Variants in NCOA7 observed in about 807,000 individuals in gnomAD.
NCOA7 encodes the protein 140 kDa estrogen receptor-associated protein.
Under a neutral mutation model 104.3 loss-of-function variants are expected in NCOA7, and 45 were observed. That is an observed-to-expected ratio of 0.43 (90% CI 0.34 to 0.55). The LOEUF (loss-of-function observed/expected upper bound fraction) is 0.55, where lower values mean the gene tolerates loss of function less well. Ranked by LOEUF, NCOA7 falls within the 20% of genes least tolerant of loss-of-function variation. The pLI is 0.02. For synonymous variants in NCOA7, 398 were observed against 402.3 expected, an observed-to-expected ratio of 0.99 and a Z score of 0.13; for missense variants, 1,041 against 1,119.7, an observed-to-expected ratio of 0.93 and a Z score of 1.00.
chr6:125,823,239 A>C (rs1778363480), intron 2 of NCOA7, among the ~76,000 whole-genome samples: 1 of 152,204 alleles, frequency 6.6e-6, no homozygotes, highest in Non-Finnish European at 1.5e-5. Flanking sequence ...CAAGGGGCCT[A>C]TTCAATAGTG....
rs747012922 is a variant in NCOA7, at chr6:125,909,001, A to T, written c.2097-6332A>T. Among the ~76,000 whole-genome samples the T allele has an allele frequency of 6.5e-4, 99 of 152,196 alleles. 4 individuals are homozygous for T. Among genetic ancestry groups the T allele is most frequent in the Non-Finnish European group, 2.1e-4 (14 of 68,030 alleles). ...TGCATGAACTCAGCATTCTCAGAAC[A>T]TTTCCTTTTTCACTCGGTGTCTATG... is the stretch of plus-strand genomic sequence containing the variant. On this transcript the variant is annotated intron_variant, in intron 10 of 15. Transcript: ENST00000392477.
intron 2 of NCOA7, among the ~76,000 whole-genome samples, chr6:125,840,721 G>A (rs1780043709): frequency 6.6e-6 from 1 of 151,566 alleles, no homozygotes; most frequent in South Asian, 2.1e-4. Flanking sequence ...GTCTTTCTAG[G>A]CTGGTCTTGA....
chr6:125,895,494 TC>T (rs1262534846), intron 10 of NCOA7, among the ~76,000 whole-genome samples: 2 of 152,216 alleles, frequency 1.3e-5, no homozygotes, highest in Non-Finnish European at 2.9e-5. Flanking sequence ...TTGGCTTTTT[TC>T]CCACTTAATA....
chr6:125,901,494 G>C (rs558245547), intron 10 of NCOA7, among the ~76,000 whole-genome samples: 3 of 152,208 alleles, frequency 2.0e-5, no homozygotes, highest in African/African-American at 7.2e-5. Flanking sequence ...CTGCTGCACT[G>C]AAACCCCTTG....
chr6:125,828,773 A>T (rs541637028), intron 2 of NCOA7, among the ~76,000 whole-genome samples: 1 of 152,092 alleles, frequency 6.6e-6, no homozygotes, highest in Non-Finnish European at 1.5e-5. Flanking sequence ...ACTTGTGCGG[A>T]TTGGTGGCAC....
In NCOA7 at chr6:125,889,448, C is replaced by T; in HGVS notation, c.1394C>T (p.Ser465Leu). ...NNSAVEMQVQ[S>L]ALAFLGTEND... is the part of the protein sequence containing the mutation. The stretch of plus-strand genomic sequence containing the variant: ...TCTGCCGTGGAAATGCAGGTGCAGT[C>T]AGCCCTAGCCTTTTTGGGAACAGAG... The change falls in exon 9 of 16, where the codon TCA (serine) becomes TTA (leucine). Residue 465 changes from serine to leucine, a missense_variant. Physicochemically the swap from Ser to Leu is moderately radical, Grantham distance 145. This residue lies in a region of NCOA7 where 914 missense variants were observed against 942.7 expected (regional missense o/e 0.97). Coordinates refer to ENST00000392477, the MANE Select transcript of NCOA7 (RefSeq NM_181782.5). 1 of 1,614,036 alleles carries T rather than the reference C, an allele frequency of 6.2e-7. No homozygotes were observed.
In NCOA7 at chr6:125,843,924, C is replaced by A. The variant is rs569130218; in HGVS notation, c.51-11096C>A. 2.6e-5 allele frequency among the ~76,000 whole-genome samples: 4 copies of A among 152,308 alleles called. No individual in the cohort carries two copies. The East Asian group carries it at 7.7e-4, about 29-fold the overall frequency. On this transcript the variant is annotated intron_variant, in intron 2 of 15. Transcript: ENST00000392477. ...TGTAGACATTCTACACAGTGTGCAT[C>A]CATTTTGCAGCAGTGTCATTTTGAT...
chr6:125,853,223 G>A (rs1781275501), intron 2 of NCOA7, among the ~76,000 whole-genome samples: 1 of 152,064 alleles, frequency 6.6e-6, no homozygotes, highest in Non-Finnish European at 1.5e-5. Context: ...CATTGTTGCT[G>A]TATAGCAGTG....
At chr6:125,850,423 C>A (rs940837265) in intron 2 of NCOA7, among the ~76,000 whole-genome samples, 1 of 152,090 alleles carries the variant, frequency 6.6e-6, no homozygotes, top group African/African-American at 2.4e-5. Context: ...GAAGTAACAA[C>A]TGTGTTTGGC....
At chr6:125,901,509 A>G (rs1483268472) in intron 10 of NCOA7, among the ~76,000 whole-genome samples, 1 of 152,126 alleles carries the variant, frequency 6.6e-6, no homozygotes, top group Non-Finnish European at 1.5e-5. Context: ...CCCTTGCAGG[A>G]GGGGGAGCAC....
At chr6:125,827,391 T>G (rs1778760405) in intron 2 of NCOA7, among the ~76,000 whole-genome samples, 2 of 152,090 alleles carry the variant, frequency 1.3e-5, no homozygotes, top group Non-Finnish European at 2.9e-5. Context: ...GCAATTACAT[T>G]TCAACATGAG....
intron 2 of NCOA7, among the ~76,000 whole-genome samples, chr6:125,853,414 TG>T (rs1198270096): frequency 1.3e-5 from 2 of 152,206 alleles, no homozygotes; most frequent in East Asian, 3.8e-4. Flanking sequence ...CTTTCCTGAT[TG>T]CTCTGGCTAG....
chr6:125,868,085 T>C (rs2128632690), intron 3 of NCOA7, among the ~76,000 whole-genome samples: 1 of 152,376 alleles, frequency 6.6e-6, no homozygotes, highest in Non-Finnish European at 1.5e-5. Flanking sequence ...ATATTCATCA[T>C]TAAAGAAGTT....
Position 125,929,492 on chromosome 6 carries a change from G to C in NCOA7, c.*721G>C, listed in dbSNP as rs1285749235. 1 of 151,854 alleles carries C rather than the reference G, an allele frequency of 6.6e-6. No homozygotes were observed. The highest frequency in any genetic ancestry group is 1.5e-5 in the Non-Finnish European group (1 of 67,954). 9.4% of individuals were successfully genotyped at this position (151,854 alleles called of 1,614,324 possible). On this transcript the variant is annotated 3_prime_UTR_variant, in exon 16 of 16. Transcript: ENST00000392477. ...TGTATGTGGGTATATAGAGATATAT[G>C]TGTGTGTGTATGTATATGTACATAT...
At chr6:125,883,270 G>GA (rs1303047234) in intron 7 of NCOA7, among the ~76,000 whole-genome samples, 1 of 152,014 alleles carries the variant, frequency 6.6e-6, no homozygotes, top group Non-Finnish European at 1.5e-5. Context: ...TAGATAATAG[G>GA]AAAAATATGT....
intron 6 of NCOA7, among the ~76,000 whole-genome samples, chr6:125,882,067 A>G (rs1783884059): frequency 6.6e-6 from 1 of 152,126 alleles, no homozygotes; most frequent in Non-Finnish European, 1.5e-5. Context: ...TTAGTCAGGC[A>G]GGTCCCGAAC....
chr6:125,804,413 T>G (rs570044148), intron 1 of NCOA7, among the ~76,000 whole-genome samples: 1 of 152,238 alleles, frequency 6.6e-6, no homozygotes, highest in Admixed American at 6.5e-5. Context: ...GGCATCATAT[T>G]TTTCACACCT....
chr6:125,874,005 A>G (rs961053891), intron 3 of NCOA7, among the ~76,000 whole-genome samples: 2 of 152,176 alleles, frequency 1.3e-5, no homozygotes, highest in African/African-American at 2.4e-5. Flanking sequence ...GCAGGTGCCA[A>G]TGTTGGCCAT....
chr6:125,855,658 AAAAC>A (rs1372830519), intron 3 of NCOA7: 1 of 153,338 alleles, frequency 6.5e-6, no homozygotes, highest in Non-Finnish European at 1.4e-5. Flanking sequence ...TAAAAAAACA[AAAAC>A]AAAAACAAAC....
Sources: gnomAD v4.1 joint callset for allele counts (sites outside exome capture counted in the v4.1 genomes callset) on GRCh38, gnomAD v4.1.1 for gene constraint, gnomAD v4.1.1 regional missense constraint, MANE v1.5 for transcripts, NCBI Gene and HGNC (gene_info 2026-07-23, HGNC 2026-07-21) for gene names.